The following CCSER1 variants were observed in gnomAD, a reference collection of about 807,000 sequenced individuals.
The protein encoded by CCSER1 is serine-rich coiled-coil domain-containing protein 1.
Under a neutral mutation model 82.0 loss-of-function variants are expected in CCSER1, and 41 were observed. The ratio of observed to expected loss-of-function variants is 0.50; its 90% CI spans 0.39 to 0.65. The LOEUF (loss-of-function observed/expected upper bound fraction) is 0.65. Ranked by LOEUF, CCSER1 falls within the 30% of genes least tolerant of loss-of-function variation. The pLI, the probability that CCSER1 is intolerant of heterozygous loss-of-function variation, is 0.00. For synonymous variants in CCSER1, 414 were observed against 383.9 expected (o/e 1.08, Z -0.92); for missense variants, 1,119 against 1,064.2 (o/e 1.05, Z -0.72).
chr4:90,503,059 G>T (rs1012055558), intron 5 of CCSER1, among the ~76,000 whole-genome samples: 3 of 152,052 alleles, frequency 2.0e-5, no homozygotes, highest in African/African-American at 7.2e-5. Context: ...GAGGGAAAAA[G>T]AATAAATAAA....
intron 1 of CCSER1, among the ~76,000 whole-genome samples, chr4:90,170,065 T>G (rs1731337419): frequency 6.6e-6 from 1 of 151,948 alleles, no homozygotes; most frequent in African/African-American, 2.4e-5. Context: ...CATTTATTGG[T>G]TTCTCTAAAA....
At chr4:91,269,788 G>T (rs777035197) in intron 10 of CCSER1, among the ~76,000 whole-genome samples, 3 of 152,032 alleles carry the variant, frequency 2.0e-5, no homozygotes, top group Non-Finnish European at 4.4e-5. Flanking sequence ...GAGGGTGTAA[G>T]ATAATACAAT....
At chr4:91,371,156 A>C (rs896775778) in intron 10 of CCSER1, among the ~76,000 whole-genome samples, 1 of 152,060 alleles carries the variant, frequency 6.6e-6, no homozygotes, top group Non-Finnish European at 1.5e-5. Context: ...AGCCACCACA[A>C]CTGCCATATT....
At chr4:90,616,895 G>C (rs1283865407) in intron 5 of CCSER1, among the ~76,000 whole-genome samples, 1 of 152,094 alleles carries the variant, frequency 6.6e-6, no homozygotes, top group African/African-American at 2.4e-5. Context: ...GCTTATCGAG[G>C]ATTTCGCCAA....
At chr4:90,801,350 G>A (rs1756778775) in intron 7 of CCSER1, among the ~76,000 whole-genome samples, 1 of 152,130 alleles carries the variant, frequency 6.6e-6, no homozygotes, top group Non-Finnish European at 1.5e-5. Context: ...AATTAAGAAA[G>A]ATTGTGATAG....
At chr4:90,216,651 C>T (rs1171176756) in intron 1 of CCSER1, among the ~76,000 whole-genome samples, 1 of 152,036 alleles carries the variant, frequency 6.6e-6, no homozygotes, top group Non-Finnish European at 1.5e-5. Context: ...GTACCAGTAC[C>T]ATCCTGTTTT....
chr4:90,204,628 A>T (rs972540519), intron 1 of CCSER1, among the ~76,000 whole-genome samples: 1 of 152,164 alleles, frequency 6.6e-6, no homozygotes, highest in Non-Finnish European at 1.5e-5. Flanking sequence ...AGGTAGTGTG[A>T]TGTTTCCAGC....
chr4:91,171,256 A>G (rs1264223017), intron 10 of CCSER1, among the ~76,000 whole-genome samples: 1 of 152,222 alleles, frequency 6.6e-6, no homozygotes, highest in African/African-American at 2.4e-5. Context: ...ATAGGGCTGC[A>G]TGTTTCAGCT....
chr4:91,173,178 G>T (rs960427540), intron 10 of CCSER1, among the ~76,000 whole-genome samples: 1 of 152,180 alleles, frequency 6.6e-6, no homozygotes, highest in Admixed American at 6.5e-5. Flanking sequence ...AGGTTAAGAT[G>T]AAGATTTTGA....
intron 9 of CCSER1, among the ~76,000 whole-genome samples, chr4:90,941,429 A>T (rs1731572125): frequency 6.6e-6 from 1 of 152,096 alleles, no homozygotes; most frequent in Non-Finnish European, 1.5e-5. Flanking sequence ...ACACACATAA[A>T]AACTTCCTTG....
At chr4:91,194,553 T>C (rs538001879) in intron 10 of CCSER1, among the ~76,000 whole-genome samples, 1 of 152,084 alleles carries the variant, frequency 6.6e-6, no homozygotes, top group Non-Finnish European at 1.5e-5. Flanking sequence ...AGAAAAAAAA[T>C]TATTGATTGT....
chr4:91,496,311 GATTAGA>G (rs1381218477), intron 10 of CCSER1, among the ~76,000 whole-genome samples: 1 of 151,056 alleles, frequency 6.6e-6, no homozygotes, highest in Non-Finnish European at 1.5e-5. Context: ...CAGTTCAGCA[GATTAGA>G]ATAAATTAAG....
At chr4:91,470,381 T>C (rs1757194353) in intron 10 of CCSER1, among the ~76,000 whole-genome samples, 2 of 152,200 alleles carry the variant, frequency 1.3e-5, no homozygotes, top group South Asian at 4.1e-4. Flanking sequence ...ATACTAGCTT[T>C]CTTCTACTGC....
intron 5 of CCSER1, among the ~76,000 whole-genome samples, chr4:90,573,004 G>T (rs1780297836): frequency 6.6e-6 from 1 of 152,160 alleles, no homozygotes; most frequent in Non-Finnish European, 1.5e-5. Flanking sequence ...GTGGCACTAG[G>T]GTGCATTAGA....
intron 1 of CCSER1, among the ~76,000 whole-genome samples, chr4:90,284,493 GAT>G (rs1491337093): frequency 3.1e-5 from 4 of 127,680 alleles, no homozygotes; most frequent in Admixed American, 7.9e-5. Flanking sequence ...ACTTTGAATT[GAT>G]TTTTTTTTTT....
At chr4:90,422,485 GT>G (rs1480748876) in intron 4 of CCSER1, among the ~76,000 whole-genome samples, 2 of 152,048 alleles carry the variant, frequency 1.3e-5, no homozygotes, top group African/African-American at 4.8e-5. Flanking sequence ...GTCCCAGCCA[GT>G]TGGGAGGCTG....
chr4:91,216,999 C>A (rs970033753), intron 10 of CCSER1, among the ~76,000 whole-genome samples: 2 of 152,062 alleles, frequency 1.3e-5, no homozygotes, highest in African/African-American at 2.4e-5. Flanking sequence ...AGCCGCGGAC[C>A]CTCGCGGTGA....
At chr4:90,532,860 G>A (rs865900911) in intron 5 of CCSER1, among the ~76,000 whole-genome samples, 6 of 152,156 alleles carry the variant, frequency 3.9e-5, no homozygotes, top group East Asian at 1.9e-4. Context: ...CTTCTCCCAA[G>A]TATCTATCTT....
intron 10 of CCSER1, among the ~76,000 whole-genome samples, chr4:91,127,300 A>G (rs1351597533): frequency 2.0e-5 from 3 of 152,118 alleles, no homozygotes; most frequent in African/African-American, 7.2e-5. Context: ...ATCCTGAAAA[A>G]TATAATCAGT....
Sources: allele counts gnomAD v4.1 joint callset (sites outside exome capture counted in the v4.1 genomes callset), GRCh38; gene constraint gnomAD v4.1.1; transcripts MANE v1.5; gene names NCBI Gene and HGNC (gene_info 2026-07-23, HGNC 2026-07-21).